Variants in KIAA0930 observed in about 807,000 individuals in gnomAD.
KIAA0930 encodes uncharacterized protein KIAA0930.
KIAA0930 carries 24 observed loss-of-function variants against 43.9 expected under a neutral mutation model. That is an observed-to-expected ratio of 0.55 (90% confidence interval 0.40 to 0.77). KIAA0930 has a LOEUF of 0.77. Ranked by LOEUF, KIAA0930 falls within the 30% of genes least tolerant of loss-of-function variation. KIAA0930 has a pLI of 0.00. For missense variants in KIAA0930, 461 were observed against 574.2 expected (o/e 0.80, Z 2.02); for synonymous variants, 259 against 216.4 (o/e 1.20, Z -1.73).
At chr22:45,233,327 C>A (rs2083866103) in intron 1 of KIAA0930, among the ~76,000 whole-genome samples, 2 of 152,066 alleles carry the variant, frequency 1.3e-5, no homozygotes, top group Admixed American at 6.6e-5. Context: ...GGTGGGCAGA[C>A]TGAGGCAGGC....
rs145626852 is a variant in KIAA0930, at chr22:45,224,745, A to C, written c.65-12638T>G. On this transcript the variant is annotated intron_variant, in intron 1 of 9. Transcript: ENST00000336156. ...GGAAAACTAGGAATCAAGCAGGCAA[A>C]GGTGGACGGCATTCAACGCTCCCCT... is the stretch of plus-strand genomic sequence containing the variant. Among the ~76,000 whole-genome samples, 297 of 152,262 alleles carry C rather than the reference A, an allele frequency of 2.0e-3. 2 individuals carry two copies. Among genetic ancestry groups the C allele is most frequent in the Middle Eastern group, 3.4e-3 (1 of 294 alleles).
At chr22:45,205,546 G>A in intron 4 of KIAA0930, 84 bp downstream of exon 4, 2 of 1,324,174 alleles carry the variant, frequency 1.5e-6, no homozygotes, top group South Asian at 1.2e-5. Context: ...GGGCAGAGAA[G>A]CAAGCAGGAG....
At chr22:45,231,352 G>A (rs142728100) in intron 1 of KIAA0930, among the ~76,000 whole-genome samples, 7 of 152,012 alleles carry the variant, frequency 4.6e-5, no homozygotes, top group African/African-American at 1.7e-4. Context: ...TCTGCCTTTT[G>A]TTATAGGAAC....
Position 45,205,778 on chromosome 22 carries a change from C to CCAA in KIAA0930, c.336+14_336+15insTTG. On this transcript the variant is annotated intron_variant, in intron 3 of 9. Transcript: ENST00000336156. Reference sequence around the variant, plus strand: ...CACAGGGCCAATCCGCAGCCCCACCCATCCCACCCCATACCTTCTGCAGGA... The same window carrying CCAA: ...CACAGGGCCAATCCGCAGCCCCACCCCAAATCCCACCCCATACCTTCTGCAGGA... 6 of 1,513,494 alleles carry CCAA rather than the reference C, an allele frequency of 4.0e-6. No individual in the cohort carries two copies. Among genetic ancestry groups the CCAA allele is most frequent in the Non-Finnish European group, 3.6e-6 (4 of 1,098,024 alleles). 93.8% of individuals were successfully genotyped at this position (1,513,494 alleles called of 1,614,324 possible).
At chr22:45,200,317 TCAAA>T (rs1470789954) in intron 7 of KIAA0930, 2 of 388,714 alleles carry the variant, frequency 5.1e-6, no homozygotes, top group East Asian at 8.7e-5. Context: ...CCTCTGGGCC[TCAAA>T]CAGTGGGTAG....
chr22:45,205,980 T>A, intron 2 of KIAA0930, 68 bp from the exon 3 acceptor site: 2 of 1,581,326 alleles, frequency 1.3e-6, no homozygotes, highest in African/African-American at 2.7e-5. Flanking sequence ...CCCTGACTAC[T>A]ATGCAGGCAT....
At chr22:45,212,297 TCC>T in intron 1 of KIAA0930, 190 bp from the exon 2 acceptor site, 1 of 1,612,760 alleles carries the variant, frequency 6.2e-7, no homozygotes, top group South Asian at 1.1e-5. Context: ...GGAGGACACC[TCC>T]CAGGAGGCCC....
intron 1 of KIAA0930, among the ~76,000 whole-genome samples, chr22:45,228,376 C>T (rs904297466): frequency 1.3e-5 from 2 of 152,088 alleles, no homozygotes; most frequent in South Asian, 4.2e-4. Flanking sequence ...CTTCTTCTCC[C>T]TAATTCATAA....
In KIAA0930 at chr22:45,197,134, G is replaced by C. The variant is rs553643140; in HGVS notation, c.*42C>G. The C allele has an allele frequency of 1.5e-5, 23 of 1,513,576 alleles. No homozygotes were observed. The South Asian group carries it at 2.6e-4, about 17-fold the overall frequency. The allele number at this position is 1,513,576 out of a possible 1,614,324, so 93.8% of individuals were successfully genotyped here. A position where few individuals can be genotyped will look rare whatever the true frequency, so the allele number is the denominator to read the frequency against. On this transcript the variant is annotated 3_prime_UTR_variant, in exon 10 of 10. Transcript: ENST00000336156. ...AGGTAGGCACTTGGCAGCACTCCGAGGGCTGGGCCCGGCCGGGGCTCTGCG... is the reference window on the plus strand; with the variant it reads ...AGGTAGGCACTTGGCAGCACTCCGACGGCTGGGCCCGGCCGGGGCTCTGCG...
chr22:45,231,514 T>C (rs1305640306), intron 1 of KIAA0930, among the ~76,000 whole-genome samples: 3 of 151,890 alleles, frequency 2.0e-5, no homozygotes, highest in African/African-American at 7.3e-5. Context: ...GCATGAACAA[T>C]CAGCCTGTAC....
intron 1 of KIAA0930, among the ~76,000 whole-genome samples, chr22:45,213,727 T>C (rs748991683): frequency 5.3e-5 from 8 of 152,334 alleles, no homozygotes; most frequent in Non-Finnish European, 1.0e-4. Context: ...AACCAGCCCT[T>C]GGCTGGGTGT....
chr22:45,205,370 C>T (rs1333872270), intron 4 of KIAA0930, 52 bp from the exon 5 acceptor site: 1 of 1,515,148 alleles, frequency 6.6e-7, no homozygotes, highest in South Asian at 1.1e-5. Context: ...GGCACACAGG[C>T]CCAGAGCCAG....
chr22:45,224,786 G>A (rs2083788597), intron 1 of KIAA0930, among the ~76,000 whole-genome samples: 1 of 152,190 alleles, frequency 6.6e-6, no homozygotes, highest in Non-Finnish European at 1.5e-5. Flanking sequence ...GAAGATGAGT[G>A]AGGCCAGGAT....
chr22:45,238,581 T>TA (rs1315440788), intron 1 of KIAA0930, among the ~76,000 whole-genome samples: 4 of 151,978 alleles, frequency 2.6e-5, no homozygotes, highest in Non-Finnish European at 2.9e-5. Context: ...AAGGAAAACT[T>TA]AGAGATGCTT....
chr22:45,198,429 C>A (rs934753877), intron 8 of KIAA0930, among the ~76,000 whole-genome samples: 1 of 152,192 alleles, frequency 6.6e-6, no homozygotes, highest in Non-Finnish European at 1.5e-5. Context: ...GATTCGGGAA[C>A]GGGCCCAGGT....
intron 1 of KIAA0930, among the ~76,000 whole-genome samples, chr22:45,238,539 T>A (rs972124870): frequency 2.6e-5 from 4 of 152,094 alleles, no homozygotes; most frequent in Admixed American, 2.6e-4. Flanking sequence ...TGGAAAGAGT[T>A]CCCGGAGAGG....
At position 45,212,012 on chromosome 22, in the gene KIAA0930, A is replaced by G; in HGVS notation, c.160T>C (p.Tyr54His). ...WAPRQDDMLFYVRRKLAYSGS... is the reference protein window; with the variant it reads ...WAPRQDDMLFHVRRKLAYSGS... ...GAGTACGCCAGCTTCCGGCGCACATAGAAAAGCATGTCGTCCTGCCGGGGA... is the reference window on the plus strand; with the variant it reads ...GAGTACGCCAGCTTCCGGCGCACATGGAAAAGCATGTCGTCCTGCCGGGGA... Residue 54 changes from tyrosine (Y) to histidine (H), a missense_variant, in exon 2 of 10, where the codon TAT (tyrosine) becomes CAT (histidine). By Grantham distance (83) the Tyr-to-His change is moderately conservative. Transcript: ENST00000336156. The G allele has an allele frequency of 6.2e-7, 1 of 1,613,774 alleles. No individual in the cohort carries two copies. Among genetic ancestry groups the G allele is most frequent in the Non-Finnish European group, 8.5e-7 (1 of 1,180,024 alleles).
intron 1 of KIAA0930, among the ~76,000 whole-genome samples, chr22:45,215,479 T>C (rs2083726034): frequency 1.3e-5 from 2 of 152,212 alleles, no homozygotes; most frequent in Admixed American, 1.3e-4. Context: ...TTTCGTGTGT[T>C]ACTCATGAGA....
At chr22:45,211,895 A>G (rs1443686134) in intron 2 of KIAA0930, 61 bp downstream of exon 2, 1 of 1,542,014 alleles carries the variant, frequency 6.5e-7, no homozygotes. Flanking sequence ...GTACACCGAG[A>G]GCAGACACCA....
Sources: gnomAD v4.1 joint callset for allele counts (sites outside exome capture counted in the v4.1 genomes callset) on GRCh38, gnomAD v4.1.1 for gene constraint, MANE v1.5 for transcripts, NCBI Gene and HGNC (gene_info 2026-07-23, HGNC 2026-07-21) for gene names.